The following HCN1 variants were observed in gnomAD, a reference collection of about 807,000 sequenced individuals.
HCN1 encodes hyperpolarization activated cyclic nucleotide gated potassium channel 1.
In HCN1, 13 loss-of-function variants were observed where a neutral mutation model predicts 78.9. That is an observed-to-expected ratio of 0.16 (90% CI 0.11 to 0.26). The LOEUF (loss-of-function observed/expected upper bound fraction) is 0.26. Among genes scored for constraint, HCN1 ranks in the 10% least tolerant of loss-of-function variants. The pLI is 1.00. For missense variants in HCN1, 810 were observed against 1,154.3 expected (o/e 0.70, Z 4.32); for synonymous variants, 552 against 455.5 (o/e 1.21, Z -2.70).
chr5:45,379,934 G>GA (rs1316999915), intron 4 of HCN1, among the ~76,000 whole-genome samples: 1 of 151,366 alleles, frequency 6.6e-6, no homozygotes, highest in Non-Finnish European at 1.5e-5. Context: ...AAAATAAAGA[G>GA]AAAAAAAGAG....
chr5:45,671,770 T>C (rs1430928512), intron 1 of HCN1, among the ~76,000 whole-genome samples: 1 of 151,630 alleles, frequency 6.6e-6, no homozygotes, highest in Non-Finnish European at 1.5e-5. Flanking sequence ...CTGTATATTT[T>C]ATAAGTCTGA....
chr5:45,565,982 T>C (rs1743699453), intron 2 of HCN1, among the ~76,000 whole-genome samples: 2 of 152,200 alleles, frequency 1.3e-5, no homozygotes, highest in African/African-American at 4.8e-5. Context: ...TAACTTGAGA[T>C]GGTGGTATAA....
chr5:45,568,926 T>C (rs569523381), intron 2 of HCN1, among the ~76,000 whole-genome samples: 1 of 152,072 alleles, frequency 6.6e-6, no homozygotes, highest in Non-Finnish European at 1.5e-5. Flanking sequence ...TCTCCTGAAC[T>C]AAGGCTCAGA....
At chr5:45,275,655 G>A (rs1459233071) in intron 6 of HCN1, among the ~76,000 whole-genome samples, 1 of 151,892 alleles carries the variant, frequency 6.6e-6, no homozygotes, top group Non-Finnish European at 1.5e-5. Context: ...CTTGTCTTTG[G>A]CAAGTTAAAA....
intron 2 of HCN1, among the ~76,000 whole-genome samples, chr5:45,545,807 T>G (rs2111841358): frequency 6.6e-6 from 1 of 151,938 alleles, no homozygotes; most frequent in Non-Finnish European, 1.5e-5. Flanking sequence ...GACTATCACC[T>G]CCTTCTTGAG....
chr5:45,495,777 G>C lies in HCN1; in HGVS notation c.850-33770C>G, dbSNP rs560938510. Among the ~76,000 whole-genome samples the C allele has an allele frequency of 4.0e-3, 603 of 152,156 alleles. 1 individual carries two copies. Among genetic ancestry groups the C allele is most frequent in the African/African-American group, 9.4e-3 (390 of 41,488 alleles). On this transcript the variant is annotated intron_variant, in intron 2 of 7. Coordinates refer to ENST00000303230, the MANE Select transcript of HCN1 (RefSeq NM_021072.4). ...CTTATTATTTTGAAATACGTCCCATGAATACCTAATTTATTGAGAGTTTTT... is the reference window on the plus strand; with the variant it reads ...CTTATTATTTTGAAATACGTCCCATCAATACCTAATTTATTGAGAGTTTTT...
chr5:45,483,419 A>T (rs931214871), intron 2 of HCN1, among the ~76,000 whole-genome samples: 7 of 152,064 alleles, frequency 4.6e-5, no homozygotes, highest in African/African-American at 7.2e-5. Flanking sequence ...CGACTTGTAC[A>T]TCTTCTTTTG....
intron 3 of HCN1, among the ~76,000 whole-genome samples, chr5:45,433,959 A>T (rs923630045): frequency 4.6e-5 from 7 of 152,194 alleles, no homozygotes; most frequent in African/African-American, 1.2e-4. Context: ...CCTTAAACTT[A>T]ACTAATGTGA....
chr5:45,433,261 A>T (rs1740498903), intron 3 of HCN1, among the ~76,000 whole-genome samples: 1 of 152,140 alleles, frequency 6.6e-6, no homozygotes, highest in Non-Finnish European at 1.5e-5. Context: ...TGCTGGATTC[A>T]GTTTGCTAGT....
intron 5 of HCN1, among the ~76,000 whole-genome samples, chr5:45,351,250 A>C (rs1746894542): frequency 6.6e-6 from 1 of 151,498 alleles, no homozygotes; most frequent in Non-Finnish European, 1.5e-5. Context: ...ATCTTTGACA[A>C]ACCTGAGAAA....
chr5:45,442,296 T>C (rs190352917), intron 3 of HCN1, among the ~76,000 whole-genome samples: 118 of 152,154 alleles, frequency 7.8e-4, no homozygotes, highest in Middle Eastern at 3.4e-3. Flanking sequence ...AAGAATTCTG[T>C]TAAGGCAGGA....
chr5:45,348,965 G>A (rs1345190709), intron 5 of HCN1, among the ~76,000 whole-genome samples: 4 of 152,126 alleles, frequency 2.6e-5, no homozygotes, highest in African/African-American at 7.2e-5. Flanking sequence ...ACAGATTAAC[G>A]AGACAGAAAG....
intron 3 of HCN1, among the ~76,000 whole-genome samples, chr5:45,458,170 T>C (rs1741064684): frequency 1.3e-5 from 2 of 152,078 alleles, no homozygotes; most frequent in Non-Finnish European, 2.9e-5. Flanking sequence ...ATTATAGCAT[T>C]GACTTTGAGT....
At chr5:45,590,761 C>A (rs996493434) in intron 2 of HCN1, among the ~76,000 whole-genome samples, 1 of 152,140 alleles carries the variant, frequency 6.6e-6, no homozygotes, top group Non-Finnish European at 1.5e-5. Context: ...TGGCTTCTTT[C>A]ACTAAGTAAT....
chr5:45,473,975 T>G (rs1471472449), intron 2 of HCN1, among the ~76,000 whole-genome samples: 2 of 151,932 alleles, frequency 1.3e-5, no homozygotes, highest in Admixed American at 6.6e-5. Flanking sequence ...GATACTGCTT[T>G]CTTGGTTTCT....
chr5:45,426,454 G>T (rs1740349104), intron 3 of HCN1, among the ~76,000 whole-genome samples: 1 of 152,174 alleles, frequency 6.6e-6, no homozygotes, highest in South Asian at 2.1e-4. Context: ...TTGAATCGTG[G>T]TTGTGAGTTT....
intron 2 of HCN1, among the ~76,000 whole-genome samples, chr5:45,634,576 A>G (rs1745325922): frequency 6.6e-6 from 1 of 151,926 alleles, no homozygotes; most frequent in African/African-American, 2.4e-5. Flanking sequence ...CTAAAATATT[A>G]CAAATCTAGA....
intron 2 of HCN1, among the ~76,000 whole-genome samples, chr5:45,635,361 C>A (rs985416824): frequency 6.6e-6 from 1 of 151,966 alleles, no homozygotes; most frequent in Non-Finnish European, 1.5e-5. Flanking sequence ...ACAAAAAGAG[C>A]AAAATTGAAA....
At chr5:45,595,333 C>G (rs1026785813) in intron 2 of HCN1, among the ~76,000 whole-genome samples, 1 of 152,088 alleles carries the variant, frequency 6.6e-6, no homozygotes, top group Non-Finnish European at 1.5e-5. Context: ...ATTTGATGCT[C>G]AAACACCCTG....
Sources: gnomAD v4.1 joint callset for allele counts (sites outside exome capture counted in the v4.1 genomes callset) on GRCh38, gnomAD v4.1.1 for gene constraint, MANE v1.5 for transcripts, NCBI Gene and HGNC (gene_info 2026-07-23, HGNC 2026-07-21) for gene names.